UBA2: variants seen among roughly 807,000 people sequenced by gnomAD.
UBA2 encodes SUMO-activating enzyme subunit 2.
UBA2 carries 11 observed loss-of-function variants against 77.2 expected under a neutral mutation model. The observed-to-expected ratio is 0.14, with a 90% confidence interval of 0.09 to 0.24. UBA2 has a LOEUF of 0.24. Ranked by LOEUF, UBA2 falls within the 10% of genes least tolerant of loss-of-function variation. The pLI, the probability that UBA2 is intolerant of heterozygous loss-of-function variation, is 1.00. For missense variants in UBA2, 487 were observed against 781.7 expected, an observed-to-expected ratio of 0.62 and a Z score of 4.50; for synonymous variants, 278 against 276.7, an observed-to-expected ratio of 1.00 and a Z score of -0.05.
At chr19:34,432,450 A>G (rs2075266027) in intron 3 of UBA2, among the ~76,000 whole-genome samples, 1 of 152,194 alleles carries the variant, frequency 6.6e-6, no homozygotes, top group African/African-American at 2.4e-5. Context: ...ATTGTCCTTT[A>G]TCTATGGTGG....
chr19:34,464,677 C>T (rs1241827737), intron 15 of UBA2, among the ~76,000 whole-genome samples: 3 of 151,992 alleles, frequency 2.0e-5, no homozygotes. Context: ...ACAGTTTAAA[C>T]AGAGGCAAAT....
At chr19:34,466,403 GAAAT>G (rs1186337019) in intron 15 of UBA2, among the ~76,000 whole-genome samples, 4 of 152,176 alleles carry the variant, frequency 2.6e-5, no homozygotes, top group Non-Finnish European at 5.9e-5. Flanking sequence ...TGTAGCTAAA[GAAAT>G]AATGTCCAAG....
intron 5 of UBA2, 70 bp downstream of exon 5, chr19:34,435,038 C>G: frequency 9.1e-7 from 1 of 1,097,062 alleles, no homozygotes; most frequent in Non-Finnish European, 1.3e-6. Context: ...AGGAAATAAA[C>G]TTTGTATTTA....
In UBA2 at chr19:34,443,908, G is replaced by T; in HGVS notation, c.646G>T (p.Ala216Ser). The change falls in exon 7 of 17, where the codon GCC (alanine) becomes TCC (serine). Residue 216 changes from alanine to serine, a missense_variant. By Grantham distance (99) the Ala-to-Ser change is moderately conservative. Transcript: ENST00000246548. ...VSPDRADPEAAWEPTEAEARA... is the reference protein window; with the variant it reads ...VSPDRADPEASWEPTEAEARA... The stretch of plus-strand genomic sequence containing the variant: ...TCCTGACAGAGCTGACCCTGAAGCT[G>T]CCTGTGAGTAAATTATTTGGCATAT... 1 of 1,601,446 alleles carries T rather than the reference G, an allele frequency of 6.2e-7. No individual in the cohort carries two copies. The highest frequency in any genetic ancestry group is 2.2e-5 in the East Asian group (1 of 44,828).
chr19:34,434,765 C>CA, intron 4 of UBA2, 103 bp from the exon 5 acceptor site: 2 of 852,788 alleles, frequency 2.3e-6, no homozygotes, highest in Non-Finnish European at 3.7e-6. Flanking sequence ...GAAAATTGTA[C>CA]AAAAAATGAA....
intron 16 of UBA2, among the ~76,000 whole-genome samples, chr19:34,467,976 G>A (rs1599940897): frequency 6.6e-6 from 1 of 152,262 alleles, no homozygotes; most frequent in Admixed American, 6.5e-5. Context: ...TGAGTGAACA[G>A]GTGCTTGTTA....
At chr19:34,456,120 T>TTTTTTTTG (rs2075559532) in intron 12 of UBA2, among the ~76,000 whole-genome samples, 1 of 141,014 alleles carries the variant, frequency 7.1e-6, no homozygotes, top group Non-Finnish European at 1.5e-5. Context: ...TTTTTTTTTT[T>TTTTTTTTG]TTTTGAGGTG....
chr19:34,451,965 A>ATT lies in UBA2; in HGVS notation c.872-15_872-14insTT. On this transcript the variant is annotated splice_polypyrimidine_tract_variant and intron_variant, in intron 9 of 16. Transcript: ENST00000246548. ...TTAATTAGTGAAATTTCTAATATATATATTTTTTTCTTTAGGAGAAGAAAC... is the reference window on the plus strand; with the variant it reads ...TTAATTAGTGAAATTTCTAATATATATTTATTTTTTTCTTTAGGAGAAGAAAC... 7.2e-7 allele frequency: 1 copy of ATT among 1,380,292 alleles called. No individual in the cohort carries two copies. Among genetic ancestry groups the ATT allele is most frequent in the Non-Finnish European group, 9.8e-7 (1 of 1,018,018 alleles). 85.5% of individuals were successfully genotyped at this position (1,380,292 alleles called of 1,614,324 possible).
intron 3 of UBA2, among the ~76,000 whole-genome samples, chr19:34,432,560 G>GT (rs11419368): frequency 0.41 from 61,476 of 151,192 alleles, 15,109 homozygotes; most frequent in Non-Finnish European, 0.55. Flanking sequence ...TCCGGATTGT[G>GT]TTTTTTTTGT....
rs1309960402 is a variant in UBA2, at chr19:34,470,294, G to A, written c.*1073G>A. The A allele has an allele frequency of 6.6e-6, 1 of 152,164 alleles. No homozygotes were observed. The highest frequency in any genetic ancestry group is 2.4e-5 in the African/African-American group (1 of 41,434). 9.4% of individuals were successfully genotyped at this position (152,164 alleles called of 1,614,324 possible). On this transcript the variant is annotated 3_prime_UTR_variant, in exon 17 of 17. Transcript: ENST00000246548. ...CAGAAGATCTCCACTGTTTGCCAAA[G>A]ACGAGTACTTTCTTTTCTTTATTCT...
intron 6 of UBA2, among the ~76,000 whole-genome samples, chr19:34,440,844 T>C (rs1442639957): frequency 1.3e-5 from 2 of 149,362 alleles, no homozygotes; most frequent in East Asian, 4.0e-4. Context: ...GAGAATTGCT[T>C]GAACCCGGGA....
chr19:34,452,370 T>C (rs1283164250), intron 10 of UBA2, among the ~76,000 whole-genome samples: 1 of 152,230 alleles, frequency 6.6e-6, no homozygotes, highest in Non-Finnish European at 1.5e-5. Flanking sequence ...AGTGATGTGT[T>C]CAGGGTTTAT....
At chr19:34,437,196 A>G (rs2075317855) in intron 5 of UBA2, among the ~76,000 whole-genome samples, 1 of 151,640 alleles carries the variant, frequency 6.6e-6, no homozygotes, top group South Asian at 2.1e-4. Flanking sequence ...TCCTGACCTC[A>G]GGTGATCCGC....
intron 16 of UBA2, among the ~76,000 whole-genome samples, chr19:34,468,055 G>C (rs971096131): frequency 6.6e-6 from 1 of 152,130 alleles, no homozygotes; most frequent in Non-Finnish European, 1.5e-5. Context: ...CTTTCCCCTG[G>C]ATTTTCAGTG....
intron 3 of UBA2, among the ~76,000 whole-genome samples, chr19:34,433,064 A>G (rs1283433378): frequency 6.6e-6 from 1 of 152,202 alleles, no homozygotes; most frequent in Non-Finnish European, 1.5e-5. Flanking sequence ...CTTGCTGCCC[A>G]AAGAAGGCCT....
chr19:34,442,509 T>C (rs1184025515), intron 6 of UBA2, among the ~76,000 whole-genome samples: 1 of 152,178 alleles, frequency 6.6e-6, no homozygotes, highest in Non-Finnish European at 1.5e-5. Context: ...GCAGTGCAAC[T>C]GCAATCTCTG....
chr19:34,435,476 C>G (rs1190574317), intron 5 of UBA2, among the ~76,000 whole-genome samples: 1 of 152,126 alleles, frequency 6.6e-6, no homozygotes, highest in Non-Finnish European at 1.5e-5. Context: ...CATTTTGTTT[C>G]ATTTGACTTT....
At chr19:34,455,747 G>A (rs1204204777) in intron 12 of UBA2, among the ~76,000 whole-genome samples, 3 of 152,062 alleles carry the variant, frequency 2.0e-5, no homozygotes, top group East Asian at 1.9e-4. Flanking sequence ...AGGATCAAGC[G>A]ATTCTCCTGT....
chr19:34,459,047 G>A (rs563284878), intron 13 of UBA2, 123 bp downstream of exon 13: 1 of 1,083,386 alleles, frequency 9.2e-7, no homozygotes, highest in Non-Finnish European at 1.3e-6. Context: ...TGATTTCCTG[G>A]GTTATTTTGC....
Sources: gnomAD v4.1 joint callset for allele counts (sites outside exome capture counted in the v4.1 genomes callset) on GRCh38, gnomAD v4.1.1 for gene constraint, MANE v1.5 for transcripts, NCBI Gene and HGNC (gene_info 2026-07-23, HGNC 2026-07-21) for gene names.